Variants in MCF2L observed in about 807,000 individuals in gnomAD.
MCF2L encodes the protein MCF.2 cell line derived transforming sequence like, also known as guanine nucleotide exchange factor DBS.
Under a neutral mutation model 153.4 loss-of-function variants are expected in MCF2L, and 97 were observed. The observed-to-expected ratio is 0.63, with a 90% CI of 0.54 to 0.75. The LOEUF (loss-of-function observed/expected upper bound fraction) is 0.75, where lower values mean the gene tolerates loss of function less well. MCF2L is among the 30% of genes least tolerant of loss of function. The probability of loss-of-function intolerance (pLI) is 0.00; values close to 1 mark genes in which losing one functional copy is unlikely to be tolerated. For missense variants in MCF2L, 1,347 were observed against 1,495.2 expected (o/e 0.90, Z 1.64); for synonymous variants, 659 against 632.2 (o/e 1.04, Z -0.64).
chr13:113,043,239 T>G (rs575097031), intron 3 of MCF2L: 1 of 152,378 alleles, frequency 6.6e-6, no homozygotes, highest in South Asian at 2.1e-4. Flanking sequence ...TGAGCAAACC[T>G]GCAGGTGGGC....
At chr13:113,022,468 CG>C (rs2141264503) in intron 2 of MCF2L, among the ~76,000 whole-genome samples, 1 of 150,126 alleles carries the variant, frequency 6.7e-6, no homozygotes, top group South Asian at 2.2e-4. Flanking sequence ...AGGCAGGGTC[CG>C]CCCCCAGCTG....
At chr13:112,909,198 C>T in intron 2 of MCF2L, 1 of 779,020 alleles carries the variant, frequency 1.3e-6, no homozygotes, top group Non-Finnish European at 2.4e-6. Context: ...CCCGAGGGAG[C>T]CCCTGTAACC....
chr13:112,987,302 C>T (rs1029274227), intron 1 of MCF2L, among the ~76,000 whole-genome samples: 9 of 6,890 alleles, frequency 1.3e-3, no homozygotes, highest in Admixed American at 0.011. Context: ...GTGGCGTGCG[C>T]CTGGAGCACA....
In MCF2L at chr13:113,045,761, C is replaced by T. The variant is rs2086772652; in HGVS notation, c.369+400C>T. On this transcript the variant is annotated intron_variant, in intron 4 of 29. Transcript: ENST00000535094. This position sits in a 1 kb window ranked among gnomAD's most constrained non-coding sequence, Gnocchi z 4.2. ...ACACTGAACGAGCCACCACCGCCTCCCTTCCCCAGTGGGATTGAACATGCA... is the reference window on the plus strand; with the variant it reads ...ACACTGAACGAGCCACCACCGCCTCTCTTCCCCAGTGGGATTGAACATGCA... The T allele has an allele frequency of 4.1e-6, 1 of 246,458 alleles. No homozygotes were observed. The highest frequency in any genetic ancestry group is 8.1e-6 in the Non-Finnish European group (1 of 123,432). The allele number at this position is 246,458 out of a possible 1,614,324, so 15.3% of individuals were successfully genotyped here.
At position 113,089,934 on chromosome 13, in the gene MCF2L, C is replaced by T. The variant is rs2035035874; in HGVS notation, c.2953+206C>T. On this transcript the variant is annotated intron_variant, in intron 26 of 29. Transcript: ENST00000535094. ...CCATTGCTCTGCACCCCTGCATCAG[C>T]AAGGCCAGCCCCAGAAGGAGCCTCG... 2.5e-6 allele frequency: 4 copies of T among 1,597,662 alleles called. No individual in the cohort carries two copies. The African/African-American group carries it at 5.4e-5, about 22-fold the overall frequency.
intron 11 of MCF2L, among the ~76,000 whole-genome samples, chr13:113,075,495 C>A (rs1005870041): frequency 6.6e-6 from 1 of 151,388 alleles, no homozygotes; most frequent in Non-Finnish European, 1.5e-5. Context: ...CCAGCTAATT[C>A]TTGTATTTTG....
intron 26 of MCF2L, 64 bp from the exon 27 acceptor site, chr13:113,094,450 C>T: frequency 4.5e-6 from 7 of 1,542,396 alleles, no homozygotes; most frequent in South Asian, 1.3e-5. Context: ...CTGACCCCAC[C>T]TCAGACAGAT....
In MCF2L at chr13:113,098,742, A is replaced by G. The variant is rs1326391607; in HGVS notation, c.*1883A>G. 1 of 152,288 alleles carries G rather than the reference A, an allele frequency of 6.6e-6. No homozygotes were observed. The highest frequency in any genetic ancestry group is 1.5e-5 in the Non-Finnish European group (1 of 68,052). 9.4% of individuals were successfully genotyped at this position (152,288 alleles called of 1,614,324 possible). A position where few individuals can be genotyped will look rare whatever the true frequency, so the allele number is the denominator to read the frequency against. On this transcript the variant is annotated 3_prime_UTR_variant, in exon 30 of 30. Transcript: ENST00000535094. Reference sequence around the variant, plus strand: ...TGTCAGACGGCGATGATGACAAAATAGCAACAAGGTTGTGCGTGTCAGAAA... The same window carrying G: ...TGTCAGACGGCGATGATGACAAAATGGCAACAAGGTTGTGCGTGTCAGAAA...
intron 3 of MCF2L, chr13:113,042,697 G>C (rs1479170321): frequency 6.6e-6 from 1 of 152,312 alleles, no homozygotes; most frequent in African/African-American, 2.4e-5. Flanking sequence ...GCTTGGCCGC[G>C]TGTGGGGCAG....
In MCF2L at chr13:113,070,910, G is replaced by A. The variant is rs576388191; in HGVS notation, c.996+737G>A. 6.6e-6 allele frequency among the ~76,000 whole-genome samples: 1 copy of A among 152,352 alleles called. No individual in the cohort carries two copies. Among genetic ancestry groups the A allele is most frequent in the Middle Eastern group, 3.4e-3 (1 of 294 alleles). On this transcript the variant is annotated intron_variant, in intron 9 of 29. Transcript: ENST00000535094. This position sits in a 1 kb window ranked among gnomAD's most constrained non-coding sequence, Gnocchi z 5.6. ...TACAAACATTGATATACTGATGTTG[G>A]TGTAAATGTAAGTTTTCATTTCTTG...
intron 2 of MCF2L, among the ~76,000 whole-genome samples, chr13:112,963,012 G>A (rs1250268765): frequency 2.6e-5 from 4 of 152,290 alleles, no homozygotes; most frequent in East Asian, 1.9e-4. Context: ...GGTGGGTCCC[G>A]TGGGTGAGAA....
intron 2 of MCF2L, among the ~76,000 whole-genome samples, chr13:112,929,801 G>A (rs1306499661): frequency 6.6e-6 from 1 of 152,208 alleles, no homozygotes; most frequent in Non-Finnish European, 1.5e-5. Flanking sequence ...CTCGGGAAGT[G>A]ACTTGGGACG....
At chr13:112,939,478 G>A (rs1349430801) in intron 2 of MCF2L, among the ~76,000 whole-genome samples, 1 of 152,144 alleles carries the variant, frequency 6.6e-6, no homozygotes, top group Admixed American at 6.5e-5. Flanking sequence ...ATCAACCTCT[G>A]GTCTCTAATA....
intron 3 of MCF2L, among the ~76,000 whole-genome samples, chr13:113,030,647 G>A (rs1014681344): frequency 2.0e-5 from 3 of 152,202 alleles, no homozygotes; most frequent in Non-Finnish European, 4.4e-5. Context: ...CGACACAGGT[G>A]TGGGCCCTCG....
Position 113,076,059 on chromosome 13 carries a change from G to C in MCF2L, c.1402G>C (p.Glu468Gln). 1 of 1,614,082 alleles carries C rather than the reference G, an allele frequency of 6.2e-7. No individual in the cohort carries two copies. The highest frequency in any genetic ancestry group is 8.5e-7 in the Non-Finnish European group (1 of 1,180,010). The change falls in exon 12 of 30, where the codon GAA (glutamate) becomes CAA (glutamine). Residue 468 changes from glutamate (E) to glutamine (Q), a missense_variant. By Grantham distance (29) the Glu-to-Gln change is conservative. Transcript: ENST00000535094. ...SQDGAEAALQ[E>Q]IEKFLETGAE... ...GGACGGCGCGGAGGCTGCCCTCCAGGAAATCGAGAAGTTTTTGGAGACCGG... is the reference window on the plus strand; with the variant it reads ...GGACGGCGCGGAGGCTGCCCTCCAGCAAATCGAGAAGTTTTTGGAGACCGG...
Position 113,011,852 on chromosome 13 carries a change from G to A in MCF2L, c.80-2911G>A, listed in dbSNP as rs1473420431. The stretch of plus-strand genomic sequence containing the variant: ...CTGTGATGCGGACGGTGGACAGGCG[G>A]TGTGGACGGTGGACACTGTGATGCG... On this transcript the variant is annotated intron_variant, in intron 1 of 29. Transcript: ENST00000535094. Among the ~76,000 whole-genome samples, 195 of 91,596 alleles carry A rather than the reference G, an allele frequency of 2.1e-3. 4 individuals carry two copies. The highest frequency in any genetic ancestry group is 0.019 in the Admixed American group (180 of 9,618). 60.1% of individuals were successfully genotyped at this position (91,596 alleles called of 152,430 possible).
chr13:113,057,553 G>A (rs1242727267), intron 4 of MCF2L, among the ~76,000 whole-genome samples: 3 of 147,772 alleles, frequency 2.0e-5, no homozygotes, highest in Non-Finnish European at 4.5e-5. Context: ...CTGCGTGTTT[G>A]CTGTGTGTTT....
intron 27 of MCF2L, chr13:113,095,498 C>G: frequency 9.4e-7 from 1 of 1,061,524 alleles, no homozygotes; most frequent in Non-Finnish European, 1.1e-6. Context: ...GGATCTCATT[C>G]TTTGTGGGGT....
chr13:112,940,170 C>CTCA (rs1213977027), intron 2 of MCF2L, among the ~76,000 whole-genome samples: 2 of 152,136 alleles, frequency 1.3e-5, no homozygotes, highest in Non-Finnish European at 2.9e-5. Flanking sequence ...AATTTCATTT[C>CTCA]TCATTGTTTT....
Sources: gnomAD v4.1 joint callset for allele counts (sites outside exome capture counted in the v4.1 genomes callset) on GRCh38, gnomAD v4.1.1 for gene constraint, Gnocchi (gnomAD v3.1) non-coding constraint, MANE v1.5 for transcripts, NCBI Gene and HGNC (gene_info 2026-07-23, HGNC 2026-07-21) for gene names.